Variants in CACNG3 observed in about 807,000 individuals in gnomAD.
CACNG3 encodes voltage-dependent calcium channel gamma-3 subunit.
In CACNG3, 3 loss-of-function variants were observed where a neutral mutation model predicts 28.5. The ratio of observed to expected loss-of-function variants is 0.11; its 90% CI spans 0.05 to 0.27. The LOEUF (loss-of-function observed/expected upper bound fraction) is 0.27. Ranked by LOEUF, CACNG3 falls within the 10% of genes least tolerant of loss-of-function variation. CACNG3 has a pLI of 1.00. For missense variants in CACNG3, 236 were observed against 414.4 expected, an observed-to-expected ratio of 0.57 and a Z score of 3.74; for synonymous variants, 174 against 162.2, an observed-to-expected ratio of 1.07 and a Z score of -0.55.
intron 1 of CACNG3, among the ~76,000 whole-genome samples, chr16:24,317,648 AAAAG>A (rs1158587996): frequency 0.098 from 5,436 of 55,332 alleles, 289 homozygotes; most frequent in Non-Finnish European, 0.11. Flanking sequence ...GAAAGAAAAG[AAAAG>A]AAAGAAAGAA....
chr16:24,265,371 A>G (rs201652150), intron 1 of CACNG3, among the ~76,000 whole-genome samples: 39 of 93,668 alleles, frequency 4.2e-4, no homozygotes, highest in African/African-American at 1.5e-3. Flanking sequence ...AAGAAAGAAA[A>G]AAGAAAGAAA....
In CACNG3 at chr16:24,355,564, C is replaced by G. The variant is rs148601810; in HGVS notation, c.436+591C>G. ...TGCCACTCCACTCCAGCCTGGGTGA[C>G]AAAGTGAAGTCTCATCTCTAAAAAA... On this transcript the variant is annotated intron_variant, in intron 3 of 3. Coordinates refer to ENST00000005284, the MANE Select transcript of CACNG3 (RefSeq NM_006539.4). 6.8e-3 allele frequency among the ~76,000 whole-genome samples: 1,042 copies of G among 152,260 alleles called. 3 individuals are homozygous for G. Among genetic ancestry groups the G allele is most frequent in the African/African-American group, 0.023 (937 of 41,538 alleles).
intron 1 of CACNG3, among the ~76,000 whole-genome samples, chr16:24,306,156 A>G (rs1899182897): frequency 1.3e-5 from 2 of 152,178 alleles, no homozygotes; most frequent in South Asian, 2.1e-4. Context: ...CTCTCCATAC[A>G]TTAGTGGGAC....
intron 1 of CACNG3, among the ~76,000 whole-genome samples, chr16:24,292,646 C>T (rs951377137): frequency 8.5e-5 from 13 of 152,110 alleles, no homozygotes; most frequent in African/African-American, 2.9e-4. Flanking sequence ...TCCTCTTCTC[C>T]GTTTCCCTCT....
intron 1 of CACNG3, among the ~76,000 whole-genome samples, chr16:24,268,772 T>A (rs1284613317): frequency 6.6e-6 from 1 of 152,182 alleles, no homozygotes; most frequent in Admixed American, 6.5e-5. Context: ...AGTTGGGGTG[T>A]TCGCCAATGG....
Position 24,299,934 on chromosome 16 carries a change from A to G in CACNG3, c.211+42969A>G, listed in dbSNP as rs904894190. On this transcript the variant is annotated intron_variant, in intron 1 of 3. Transcript: ENST00000005284. ...TGCACATGCATGGATGCACACATGC[A>G]CACGCACACACACACACACACACAC... 1.1e-4 allele frequency among the ~76,000 whole-genome samples: 17 copies of G among 149,792 alleles called. 1 individual carries two copies. The East Asian group carries it at 2.2e-3, about 19-fold the overall frequency.
At chr16:24,351,775 A>G (rs1158774007) in intron 2 of CACNG3, among the ~76,000 whole-genome samples, 2 of 150,770 alleles carry the variant, frequency 1.3e-5, no homozygotes, top group African/African-American at 4.9e-5. Flanking sequence ...GAGAGAAAGA[A>G]AGATTGGGCA....
At position 24,361,998 on chromosome 16, in the gene CACNG3, T is replaced by C. The variant is rs1900108835; in HGVS notation, c.*135T>C. The stretch of plus-strand genomic sequence containing the variant: ...GAATGAAACCAAATGGACTCAGCCC[T>C]CTCCCACATTTTCCCCTCACCCTCC... On this transcript the variant is annotated 3_prime_UTR_variant, in exon 4 of 4. Transcript: ENST00000005284. This position sits in a 1 kb window ranked among gnomAD's most constrained non-coding sequence, Gnocchi z 6.8. 2 of 874,510 alleles carry C rather than the reference T, an allele frequency of 2.3e-6. No homozygotes were observed. Among genetic ancestry groups the C allele is most frequent in the Admixed American group, 3.0e-5 (1 of 32,920 alleles). 54.2% of individuals were successfully genotyped at this position (874,510 alleles called of 1,614,324 possible). A position where few individuals can be genotyped will look rare whatever the true frequency, so the allele number is the denominator to read the frequency against.
At chr16:24,356,388 A>G (rs1900033063) in intron 3 of CACNG3, among the ~76,000 whole-genome samples, 1 of 152,168 alleles carries the variant, frequency 6.6e-6, no homozygotes, top group African/African-American at 2.4e-5. Flanking sequence ...TTCCTTCACT[A>G]TAACATGGCA....
At chr16:24,310,420 C>T (rs542556755) in intron 1 of CACNG3, among the ~76,000 whole-genome samples, 22 of 151,956 alleles carry the variant, frequency 1.4e-4, no homozygotes, top group Non-Finnish European at 2.4e-4. Flanking sequence ...AAAAATTAGC[C>T]GGGTGTGGTG....
Position 24,331,859 on chromosome 16 carries a change from G to A in CACNG3, c.212-14875G>A, listed in dbSNP as rs546514407. Among the ~76,000 whole-genome samples, 7 of 152,220 alleles carry A rather than the reference G, an allele frequency of 4.6e-5. 1 individual carries two copies. The South Asian group carries it at 1.5e-3, about 32-fold the overall frequency. On this transcript the variant is annotated intron_variant, in intron 1 of 3. Transcript: ENST00000005284. The stretch of plus-strand genomic sequence containing the variant: ...GGCTCTTCCCTCAAATCTTCCCATG[G>A]GTGGCTTCCTCTTGTCACTCAGGTT...
At chr16:24,260,600 C>T (rs1233589488) in intron 1 of CACNG3, among the ~76,000 whole-genome samples, 2 of 152,208 alleles carry the variant, frequency 1.3e-5, no homozygotes, top group Non-Finnish European at 2.9e-5. Flanking sequence ...GGGTAGCCTG[C>T]TACTGGTACA....
chr16:24,316,511 T>C (rs1899354712), intron 1 of CACNG3, among the ~76,000 whole-genome samples: 1 of 152,202 alleles, frequency 6.6e-6, no homozygotes, highest in Non-Finnish European at 1.5e-5. Flanking sequence ...GGCCTGCTTT[T>C]CTGTGTCCCC....
At chr16:24,323,219 CA>C (rs761999416) in intron 1 of CACNG3, among the ~76,000 whole-genome samples, 46 of 66,786 alleles carry the variant, frequency 6.9e-4, no homozygotes, top group East Asian at 2.0e-3. Flanking sequence ...GAGCAGGACT[CA>C]AAAAAAAAAA....
At chr16:24,273,179 G>A (rs1005938933) in intron 1 of CACNG3, among the ~76,000 whole-genome samples, 4 of 152,174 alleles carry the variant, frequency 2.6e-5, no homozygotes, top group African/African-American at 9.7e-5. Flanking sequence ...CCACGTCAGA[G>A]ATACTGCTGT....
At chr16:24,326,413 C>T (rs1276476706) in intron 1 of CACNG3, among the ~76,000 whole-genome samples, 10 of 152,096 alleles carry the variant, frequency 6.6e-5, no homozygotes, top group South Asian at 2.1e-4. Context: ...TCAGGTGATC[C>T]GCCCGCCTCG....
At chr16:24,346,112 A>C (rs1899862575) in intron 1 of CACNG3, among the ~76,000 whole-genome samples, 1 of 152,206 alleles carries the variant, frequency 6.6e-6, no homozygotes, top group African/African-American at 2.4e-5. Flanking sequence ...GGAGAGGGGA[A>C]AGATAAGATA....
chr16:24,309,502 A>G (rs941112127), intron 1 of CACNG3, among the ~76,000 whole-genome samples: 3 of 152,338 alleles, frequency 2.0e-5, no homozygotes, highest in African/African-American at 4.8e-5. Flanking sequence ...GGGCTGCCAC[A>G]TGACTCATTT....
chr16:24,294,444 G>A (rs1899003801), intron 1 of CACNG3, among the ~76,000 whole-genome samples: 2 of 152,196 alleles, frequency 1.3e-5, no homozygotes, highest in Admixed American at 1.3e-4. Context: ...AGGTTCCAGG[G>A]CAGTGGAGGG....
Sources: gnomAD v4.1 joint callset for allele counts (sites outside exome capture counted in the v4.1 genomes callset) on GRCh38, gnomAD v4.1.1 for gene constraint, Gnocchi (gnomAD v3.1) non-coding constraint, MANE v1.5 for transcripts, NCBI Gene and HGNC (gene_info 2026-07-23, HGNC 2026-07-21) for gene names.